MAGI1: variants seen among roughly 807,000 people sequenced by gnomAD.
MAGI1 encodes the protein membrane-associated guanylate kinase, WW and PDZ domain-containing protein 1.
MAGI1 carries 58 observed loss-of-function variants against 139.9 expected under a neutral mutation model. That is an observed-to-expected ratio of 0.41 (90% CI 0.34 to 0.52). The LOEUF (loss-of-function observed/expected upper bound fraction) is 0.52. Among genes scored for constraint, MAGI1 ranks in the 20% least tolerant of loss-of-function variants. MAGI1 has a pLI of 0.12. For synonymous variants in MAGI1, 812 were observed against 737.9 expected (o/e 1.10, Z -1.63); for missense variants, 1,874 against 1,901.6 (o/e 0.99, Z 0.27).
chr3:65,838,648 C>A (rs1233323081), intron 1 of MAGI1, among the ~76,000 whole-genome samples: 1 of 152,170 alleles, frequency 6.6e-6, no homozygotes, highest in Non-Finnish European at 1.5e-5. Context: ...TTGTAGCACA[C>A]TTTAGTTGTT....
chr3:65,415,140 T>C (rs539269678), intron 12 of MAGI1, among the ~76,000 whole-genome samples: 20 of 152,216 alleles, frequency 1.3e-4, no homozygotes, highest in Non-Finnish European at 2.5e-4. Context: ...TCATTATTGT[T>C]TACTGAAGGA....
intron 2 of MAGI1, among the ~76,000 whole-genome samples, chr3:65,585,546 G>A (rs1173900300): frequency 7.9e-5 from 12 of 152,190 alleles, no homozygotes. Flanking sequence ...CAGAGCTTCT[G>A]TAACTCTTAG....
rs2081463689 is a variant in MAGI1 at position 65,582,203 on chromosome 3, C to T, written c.430+39769G>A. ...AGGCTGCTTTCCAGCTACTGCATTC[C>T]CTGCCCTAGAACAGTACATGGCATA... On this transcript the variant is annotated intron_variant, in intron 2 of 22. Coordinates refer to ENST00000402939, the MANE Select transcript of MAGI1 (RefSeq NM_001033057.2). Among the ~76,000 whole-genome samples the T allele has an allele frequency of 3.3e-5, 5 of 152,176 alleles. 1 individual carries two copies. The South Asian group carries it at 1.0e-3, about 32-fold the overall frequency.
At chr3:65,474,612 T>C (rs200707116) in intron 4 of MAGI1, among the ~76,000 whole-genome samples, 3 of 150,754 alleles carry the variant, frequency 2.0e-5, no homozygotes, top group Non-Finnish European at 3.0e-5. Context: ...CAAGCTTTTA[T>C]ACACACACAC....
intron 1 of MAGI1, among the ~76,000 whole-genome samples, chr3:65,929,677 A>C (rs968259351): frequency 6.6e-6 from 1 of 152,098 alleles, no homozygotes; most frequent in African/African-American, 2.4e-5. Flanking sequence ...AATCCACATA[A>C]GATACTAGAT....
At chr3:65,876,802 G>A (rs956262074) in intron 1 of MAGI1, among the ~76,000 whole-genome samples, 2 of 148,238 alleles carry the variant, frequency 1.3e-5, no homozygotes, top group African/African-American at 5.1e-5. Flanking sequence ...GGAGTGCAGT[G>A]GCCCAATCTC....
intron 1 of MAGI1, among the ~76,000 whole-genome samples, chr3:65,721,890 C>G (rs1247012907): frequency 1.3e-5 from 2 of 151,030 alleles, no homozygotes; most frequent in South Asian, 4.2e-4. Context: ...TTCTGGAGGT[C>G]GACTAAGGAA....
chr3:65,770,704 T>C (rs1239663669), intron 1 of MAGI1, among the ~76,000 whole-genome samples: 12 of 152,122 alleles, frequency 7.9e-5, no homozygotes. Flanking sequence ...TACTTATTTA[T>C]TTTGAAGTGG....
intron 1 of MAGI1, among the ~76,000 whole-genome samples, chr3:65,812,437 CTCTCTCTT>C (rs1434804747): frequency 7.3e-6 from 1 of 137,642 alleles, no homozygotes; most frequent in African/African-American, 3.0e-5. Context: ...TAAAATCTCT[CTCTCTCTT>C]TCTCTCTCTC....
At position 65,998,081 on chromosome 3, in the gene MAGI1, C is replaced by T. The variant is rs146237568; in HGVS notation, c.313+39915G>A. 5.8e-4 allele frequency among the ~76,000 whole-genome samples: 84 copies of T among 144,826 alleles called. No individual in the cohort carries two copies. In the East Asian group the frequency reaches 9.7e-3, roughly 17 times the overall value. ...TTGCGCCATTGCACTCCAGCCTGGG[C>T]GACAGAGCTAGACTCTGTCTCGGGA... On this transcript the variant is annotated intron_variant, in intron 1 of 22. Coordinates refer to ENST00000402939, the MANE Select transcript of MAGI1 (RefSeq NM_001033057.2).
At chr3:65,842,518 C>G (rs111990741) in intron 1 of MAGI1, among the ~76,000 whole-genome samples, 1 of 152,114 alleles carries the variant, frequency 6.6e-6, no homozygotes, top group Non-Finnish European at 1.5e-5. Flanking sequence ...TGTGCCACCA[C>G]GCTGGGCTAA....
chr3:65,388,911 C>T (rs574101002), intron 14 of MAGI1, among the ~76,000 whole-genome samples: 7 of 129,818 alleles, frequency 5.4e-5, no homozygotes, highest in South Asian at 5.1e-4. Context: ...GGCATGATCT[C>T]GGCTCACTGC....
intron 11 of MAGI1, among the ~76,000 whole-genome samples, chr3:65,430,367 G>A (rs1214634302): frequency 6.6e-6 from 1 of 151,912 alleles, no homozygotes; most frequent in Non-Finnish European, 1.5e-5. Flanking sequence ...CAGAACATTG[G>A]AGCTTTCTCC....
intron 2 of MAGI1, among the ~76,000 whole-genome samples, chr3:65,498,764 C>T (rs2076971668): frequency 6.6e-6 from 1 of 152,182 alleles, no homozygotes; most frequent in Non-Finnish European, 1.5e-5. Context: ...CATATCTGTG[C>T]TGTCTATCCT....
chr3:65,779,203 G>A (rs778155980), intron 1 of MAGI1, among the ~76,000 whole-genome samples: 1 of 152,030 alleles, frequency 6.6e-6, no homozygotes, highest in Non-Finnish European at 1.5e-5. Flanking sequence ...TTAAGTTTAC[G>A]CTTCAGTACA....
At chr3:65,819,772 G>C (rs1001955439) in intron 1 of MAGI1, among the ~76,000 whole-genome samples, 5 of 149,490 alleles carry the variant, frequency 3.3e-5, no homozygotes, top group Non-Finnish European at 7.4e-5. Flanking sequence ...AGCTGCTCAG[G>C]AGGCTGAGGC....
At chr3:65,470,101 G>C in intron 5 of MAGI1, 182 bp downstream of exon 5, 1 of 526,370 alleles carries the variant, frequency 1.9e-6, no homozygotes, top group Non-Finnish European at 3.3e-6. Flanking sequence ...AAACTGTTGA[G>C]AATCGATAAG....
intron 1 of MAGI1, among the ~76,000 whole-genome samples, chr3:65,665,707 G>A (rs771434701): frequency 2.2e-4 from 33 of 152,022 alleles, no homozygotes; most frequent in Non-Finnish European, 2.9e-4. Flanking sequence ...ACAAAAACAA[G>A]AACTGACAGT....
intron 12 of MAGI1, 71 bp from the exon 13 acceptor site, chr3:65,401,541 A>C: frequency 3.2e-6 from 5 of 1,577,366 alleles, no homozygotes; most frequent in Non-Finnish European, 4.3e-6. Flanking sequence ...TTTTCCTTAA[A>C]GAACAATCCC....
Sources: gnomAD v4.1 joint callset for allele counts (sites outside exome capture counted in the v4.1 genomes callset) on GRCh38, gnomAD v4.1.1 for gene constraint, MANE v1.5 for transcripts, NCBI Gene and HGNC (gene_info 2026-07-23, HGNC 2026-07-21) for gene names.